The following VPS13B variants were observed in gnomAD, a reference collection of about 807,000 sequenced individuals.
VPS13B encodes the protein vacuolar protein sorting 13 homolog B, also known as intermembrane lipid transfer protein VPS13B.
In VPS13B, 285 loss-of-function variants were observed where a neutral mutation model predicts 426.4. The observed-to-expected ratio is 0.67, with a 90% CI of 0.61 to 0.74. VPS13B has a LOEUF of 0.74. Ranked by LOEUF, VPS13B falls within the 30% of genes least tolerant of loss-of-function variation. The probability of loss-of-function intolerance (pLI) is 0.00; values close to 1 mark genes in which losing one functional copy is unlikely to be tolerated. For synonymous variants in VPS13B, 1,676 were observed against 1,676.4 expected, an observed-to-expected ratio of 1.00 and a Z score of 0.01; for missense variants, 4,537 against 4,782.6, an observed-to-expected ratio of 0.95 and a Z score of 1.51.
chr8:99,417,410 A>G (rs1816082343), intron 21 of VPS13B, among the ~76,000 whole-genome samples: 1 of 152,194 alleles, frequency 6.6e-6, no homozygotes, highest in South Asian at 2.1e-4. Flanking sequence ...AGTATAAAAT[A>G]TTGGAAAACA....
intron 43 of VPS13B, among the ~76,000 whole-genome samples, chr8:99,806,565 T>G (rs1289694551): frequency 6.6e-6 from 1 of 152,188 alleles, no homozygotes; most frequent in Non-Finnish European, 1.5e-5. Context: ...ACATATCTCT[T>G]CCTCTATATT....
chr8:99,698,745 T>TTAA (rs75158361), intron 35 of VPS13B, among the ~76,000 whole-genome samples: 10,441 of 152,254 alleles, frequency 0.069, 532 homozygotes, highest in African/African-American at 0.14. Context: ...ATGCTCTGTC[T>TTAA]TGATGCTTAT....
At chr8:99,871,193 A>C in intron 60 of VPS13B, 1 of 616,820 alleles carries the variant, frequency 1.6e-6, no homozygotes, top group Admixed American at 2.9e-5. Context: ...CTCTAATTAG[A>C]GGTGCTATTT....
intron 16 of VPS13B, among the ~76,000 whole-genome samples, chr8:99,176,063 C>T (rs1812612770): frequency 6.6e-6 from 1 of 151,946 alleles, no homozygotes; most frequent in South Asian, 2.1e-4. Flanking sequence ...CTGTGTATTG[C>T]AATAGAAAGT....
At chr8:99,478,442 G>T (rs996075434) in intron 24 of VPS13B, among the ~76,000 whole-genome samples, 91 of 43,340 alleles carry the variant, frequency 2.1e-3, no homozygotes, top group South Asian at 3.4e-3. Context: ...TTGTTTTTTT[G>T]TTTTGTTTTT....
chr8:99,699,495 A>G lies in VPS13B; in HGVS notation c.6047-30A>G, dbSNP rs759630268. 3.1e-6 allele frequency: 5 copies of G among 1,609,684 alleles called. No homozygotes were observed. In the African/African-American group the frequency reaches 4.0e-5, roughly 13 times the overall value. ...GCTTGTATTCAGTAAGAAAGCTTCA[A>G]TAATTGTTTTCTCTTTTTTACTTCT... On this transcript the variant is annotated intron_variant, in intron 35 of 61. Transcript: ENST00000357162.
At chr8:99,181,071 C>T (rs1428902460) in intron 16 of VPS13B, among the ~76,000 whole-genome samples, 2 of 151,912 alleles carry the variant, frequency 1.3e-5, no homozygotes, top group Non-Finnish European at 1.5e-5. Flanking sequence ...GGAGTTTGTC[C>T]TTAGATATAA....
At chr8:99,257,056 A>G (rs774341265) in intron 17 of VPS13B, among the ~76,000 whole-genome samples, 9 of 152,324 alleles carry the variant, frequency 5.9e-5, no homozygotes, top group South Asian at 2.1e-4. Context: ...TAAAAGACAT[A>G]TGAATCAAAG....
At chr8:99,874,310 A>G (rs1002453962) in intron 61 of VPS13B, among the ~76,000 whole-genome samples, 2 of 152,238 alleles carry the variant, frequency 1.3e-5, no homozygotes, top group African/African-American at 2.4e-5. Context: ...CTGGTGGTGC[A>G]GAGCTTTCGT....
chr8:99,313,763 G>A (rs1821147603), intron 19 of VPS13B, among the ~76,000 whole-genome samples: 1 of 152,212 alleles, frequency 6.6e-6, no homozygotes, highest in Non-Finnish European at 1.5e-5. Context: ...CCTGTCCCCA[G>A]AGGTGGAGTC....
At position 99,699,915 on chromosome 8, in the gene VPS13B, C is replaced by A; in HGVS notation, c.6437C>A (p.Ala2146Glu). 6.2e-7 allele frequency: 1 copy of A among 1,613,218 alleles called. No homozygotes were observed. Among genetic ancestry groups the A allele is most frequent in the Non-Finnish European group, 8.5e-7 (1 of 1,179,796 alleles). ...SNLNGSLSVKATQKVPGIILG... is the reference protein window; with the variant it reads ...SNLNGSLSVKETQKVPGIILG... ...CTCAATGGAAGCCTTAGTGTCAAGG[C>A]AACACAAAAAGTACCTGGTAAGTCA... The change falls in exon 36 of 62, where the codon GCA (alanine) becomes GAA (glutamate). Residue 2146 changes from alanine (A) to glutamate (E), a missense_variant. Ala to Glu is a moderately radical substitution (Grantham distance 107). Around this residue, in one of 2 missense-constraint regions of VPS13B, gnomAD observed 4,311 missense variants for 4,474.3 expected, o/e 0.96. Transcript: ENST00000357162.
chr8:99,478,269 A>T (rs1819804570), intron 24 of VPS13B, among the ~76,000 whole-genome samples: 1 of 151,834 alleles, frequency 6.6e-6, no homozygotes, highest in African/African-American at 2.4e-5. Flanking sequence ...GATTTATGCC[A>T]GTTTTCTATT....
chr8:99,255,740 C>T (rs1186754052), intron 17 of VPS13B, among the ~76,000 whole-genome samples: 1 of 152,058 alleles, frequency 6.6e-6, no homozygotes, highest in Non-Finnish European at 1.5e-5. Flanking sequence ...TAAGTGAGGC[C>T]TCCCCTGATG....
chr8:99,060,424 C>T (rs1844118419), intron 3 of VPS13B, among the ~76,000 whole-genome samples: 1 of 152,024 alleles, frequency 6.6e-6, no homozygotes. Context: ...GCCTGGTCAA[C>T]ATGGCAAAAC....
Position 99,868,397 on chromosome 8 carries a change from A to G in VPS13B, c.11324A>G (p.Lys3775Arg). The G allele has an allele frequency of 6.2e-7, 1 of 1,614,140 alleles. No individual in the cohort carries two copies. Among genetic ancestry groups the G allele is most frequent in the Non-Finnish European group, 8.5e-7 (1 of 1,180,018 alleles). The change falls in exon 59 of 62, where the codon AAA (lysine) becomes AGA (arginine). Residue 3775 changes from lysine (K) to arginine (R), a missense_variant. By Grantham distance (26) the Lys-to-Arg change is conservative (BLOSUM62 2). Coordinates refer to ENST00000357162, the MANE Select transcript of VPS13B (RefSeq NM_152564.5). Reference sequence around the variant, plus strand: ...AAGGGTGTCATCTCGGGTGTGGGGAAAGGAATCATGGGGGTGTTCACAAAG... The same window carrying G: ...AAGGGTGTCATCTCGGGTGTGGGGAGAGGAATCATGGGGGTGTTCACAAAG... Reference protein sequence around the residue: ...KAKGVISGVGKGIMGVFTKPI... With the variant: ...KAKGVISGVGRGIMGVFTKPI...
chr8:99,080,643 A>C (rs1051818780), intron 3 of VPS13B, among the ~76,000 whole-genome samples: 1 of 152,156 alleles, frequency 6.6e-6, no homozygotes, highest in Non-Finnish European at 1.5e-5. Flanking sequence ...TAATTTCCCC[A>C]CTTACTTTAT....
chr8:99,849,626 GT>G (rs1816157355), intron 55 of VPS13B, among the ~76,000 whole-genome samples: 1 of 152,158 alleles, frequency 6.6e-6, no homozygotes. Context: ...TTTTAAGTGT[GT>G]TAGGAGTTTC....
chr8:99,584,460 A>G (rs1044852259), intron 33 of VPS13B, among the ~76,000 whole-genome samples: 1 of 152,226 alleles, frequency 6.6e-6, no homozygotes. Context: ...TAAACTGTCT[A>G]CGCTAGTCTT....
At chr8:99,195,610 T>C (rs1406486852) in intron 17 of VPS13B, among the ~76,000 whole-genome samples, 3 of 152,212 alleles carry the variant, frequency 2.0e-5, no homozygotes, top group Admixed American at 2.0e-4. Context: ...ATTGCTTTCA[T>C]TTCCTGTGCT....
Sources: gnomAD v4.1 joint callset for allele counts (sites outside exome capture counted in the v4.1 genomes callset) on GRCh38, gnomAD v4.1.1 for gene constraint, gnomAD v4.1.1 regional missense constraint, MANE v1.5 for transcripts, NCBI Gene and HGNC (gene_info 2026-07-23, HGNC 2026-07-21) for gene names.